CLEC16A: variants seen among roughly 807,000 people sequenced by gnomAD.
CLEC16A encodes the protein C-type lectin domain containing 16A.
CLEC16A carries 51 observed loss-of-function variants against 109.5 expected under a neutral mutation model. The ratio of observed to expected loss-of-function variants is 0.47; its 90% CI spans 0.37 to 0.59. The LOEUF (loss-of-function observed/expected upper bound fraction) is 0.59. Ranked by LOEUF, CLEC16A falls within the 20% of genes least tolerant of loss-of-function variation. CLEC16A has a pLI of 0.00. For missense variants in CLEC16A, 1,339 were observed against 1,394.0 expected (o/e 0.96, Z 0.63); for synonymous variants, 673 against 564.2 (o/e 1.19, Z -2.73).
At chr16:11,014,459 C>T (rs2045620767) in intron 11 of CLEC16A, among the ~76,000 whole-genome samples, 1 of 152,124 alleles carries the variant, frequency 6.6e-6, no homozygotes, top group Non-Finnish European at 1.5e-5. Context: ...CGGAGAAAGA[C>T]CTACAAGTGG....
intron 19 of CLEC16A, among the ~76,000 whole-genome samples, chr16:11,077,198 G>C (rs1442029192): frequency 6.6e-6 from 1 of 151,726 alleles, no homozygotes; most frequent in Non-Finnish European, 1.5e-5. Flanking sequence ...GGTCGGGCGT[G>C]GTGGCTCATT....
At chr16:11,069,724 G>A (rs1390248612) in intron 19 of CLEC16A, among the ~76,000 whole-genome samples, 1 of 152,078 alleles carries the variant, frequency 6.6e-6, no homozygotes, top group Non-Finnish European at 1.5e-5. Context: ...TTATAGGCAT[G>A]AGCCACCATA....
chr16:11,027,451 C>CA, intron 13 of CLEC16A: 1 of 1,572,332 alleles, frequency 6.4e-7, no homozygotes, highest in Non-Finnish European at 8.6e-7. Flanking sequence ...TGGGGATTTC[C>CA]AAATCTGAAG....
intron 19 of CLEC16A, among the ~76,000 whole-genome samples, chr16:11,062,765 G>A (rs1255930877): frequency 1.3e-5 from 2 of 152,020 alleles, no homozygotes; most frequent in Non-Finnish European, 2.9e-5. Flanking sequence ...CAACTCCTTT[G>A]GCCCTTTTGC....
At chr16:11,088,138 CAT>C (rs1050149440) in intron 19 of CLEC16A, among the ~76,000 whole-genome samples, 1 of 152,256 alleles carries the variant, frequency 6.6e-6, no homozygotes, top group Non-Finnish European at 1.5e-5. Flanking sequence ...GCGGATCACA[CAT>C]GTGGCCTTGC....
At chr16:11,116,505 A>T (rs2052004710) in intron 19 of CLEC16A, among the ~76,000 whole-genome samples, 1 of 152,178 alleles carries the variant, frequency 6.6e-6, no homozygotes, top group African/African-American at 2.4e-5. Context: ...GAGAGAATAG[A>T]GGGAAACACG....
rs530046301 is a variant in CLEC16A at position 10,959,166 on chromosome 16, A to G, written c.209+1256A>G. 8.5e-4 allele frequency among the ~76,000 whole-genome samples: 130 copies of G among 152,288 alleles called. 1 individual carries two copies. Among genetic ancestry groups the G allele is most frequent in the African/African-American group, 3.0e-3 (124 of 41,548 alleles). On this transcript the variant is annotated intron_variant, in intron 2 of 23. Coordinates refer to ENST00000409790, the MANE Select transcript of CLEC16A (RefSeq NM_015226.3). Reference sequence around the variant, plus strand: ...CGAATAAGAAGGATATTACCTTTTCATGGATTCAGACAGAATTAGGCAGCA... The same window carrying G: ...CGAATAAGAAGGATATTACCTTTTCGTGGATTCAGACAGAATTAGGCAGCA...
chr16:11,161,459 G>A (rs1284607617), intron 22 of CLEC16A, among the ~76,000 whole-genome samples: 1 of 152,244 alleles, frequency 6.6e-6, no homozygotes, highest in African/African-American at 2.4e-5. Flanking sequence ...TTGAGAGCAA[G>A]TGGTTCTTGG....
At chr16:10,995,336 A>G (rs1331936507) in intron 10 of CLEC16A, among the ~76,000 whole-genome samples, 2 of 152,158 alleles carry the variant, frequency 1.3e-5, no homozygotes, top group Admixed American at 6.5e-5. Context: ...GGGCCTCTGA[A>G]TCCCACCCTG....
At chr16:11,023,891 C>T (rs1018787634) in intron 12 of CLEC16A, among the ~76,000 whole-genome samples, 1 of 152,246 alleles carries the variant, frequency 6.6e-6, no homozygotes, top group African/African-American at 2.4e-5. Context: ...AGCCTCTGGC[C>T]TGTGGGCCAG....
chr16:11,074,829 T>A (rs1354932167), intron 19 of CLEC16A, among the ~76,000 whole-genome samples: 2 of 152,300 alleles, frequency 1.3e-5, no homozygotes, highest in Non-Finnish European at 2.9e-5. Flanking sequence ...ATTAGAGAAA[T>A]GAGGCATTTG....
chr16:11,060,208 G>C (rs2048406463), intron 18 of CLEC16A, among the ~76,000 whole-genome samples: 1 of 152,222 alleles, frequency 6.6e-6, no homozygotes, highest in Non-Finnish European at 1.5e-5. Flanking sequence ...TGCTGGCAGG[G>C]AAAGCCTGAG....
chr16:11,157,266 G>A (rs147287601), intron 22 of CLEC16A: 7 of 1,174,776 alleles, frequency 6.0e-6, no homozygotes, highest in East Asian at 1.3e-4. Flanking sequence ...TGTGGGGGTC[G>A]CCCATGGTGG....
At chr16:10,945,835 T>A (rs1432250971) in intron 1 of CLEC16A, among the ~76,000 whole-genome samples, 1 of 152,226 alleles carries the variant, frequency 6.6e-6, no homozygotes, top group African/African-American at 2.4e-5. Flanking sequence ...GCTTCTCCAC[T>A]CTCTGCGATT....
At chr16:11,017,017 C>T (rs2045799248) in intron 11 of CLEC16A, among the ~76,000 whole-genome samples, 1 of 150,840 alleles carries the variant, frequency 6.6e-6, no homozygotes, top group Non-Finnish European at 1.5e-5. Context: ...GGGGGTGCTC[C>T]TCCATGCCAA....
intron 11 of CLEC16A, among the ~76,000 whole-genome samples, chr16:11,019,722 T>C (rs2045980491): frequency 6.6e-6 from 1 of 151,060 alleles, no homozygotes; most frequent in South Asian, 2.1e-4. Flanking sequence ...TGAGCTGAGA[T>C]TGCGCCACTG....
At chr16:11,159,839 CT>C (rs1567405909) in intron 22 of CLEC16A, among the ~76,000 whole-genome samples, 1 of 152,230 alleles carries the variant, frequency 6.6e-6, no homozygotes, top group South Asian at 2.1e-4. Context: ...TTCTTATTTA[CT>C]TTTTGTTTTA....
At chr16:11,082,603 C>T (rs935182461) in intron 19 of CLEC16A, among the ~76,000 whole-genome samples, 2 of 152,180 alleles carry the variant, frequency 1.3e-5, no homozygotes, top group East Asian at 3.9e-4. Flanking sequence ...ATTCGTTCAG[C>T]AGCCGTTTAT....
chr16:11,173,113 C>T (rs75159504), intron 23 of CLEC16A, among the ~76,000 whole-genome samples: 5 of 152,134 alleles, frequency 3.3e-5, no homozygotes, highest in Non-Finnish European at 7.4e-5. Flanking sequence ...AGTCAGATGA[C>T]CTGAAACCCA....
Sources: gnomAD v4.1 joint callset for allele counts (sites outside exome capture counted in the v4.1 genomes callset) on GRCh38, gnomAD v4.1.1 for gene constraint, MANE v1.5 for transcripts, NCBI Gene and HGNC (gene_info 2026-07-23, HGNC 2026-07-21) for gene names.